CFAP299: variants seen among roughly 807,000 people sequenced by gnomAD.
The protein encoded by CFAP299 is cilia and flagella associated protein 299, also known as cilia- and flagella-associated protein 299.
Under a neutral mutation model 27.0 loss-of-function variants are expected in CFAP299, and 21 were observed. The ratio of observed to expected loss-of-function variants is 0.78; its 90% CI spans 0.55 to 1.12. CFAP299 has a LOEUF of 1.12. Among genes scored for constraint, CFAP299 ranks in the 50% most tolerant of loss-of-function variants. The pLI is 0.00. For missense variants in CFAP299, 310 were observed against 276.6 expected (o/e 1.12, Z -0.86); for synonymous variants, 104 against 98.1 (o/e 1.06, Z -0.36).
At chr4:80,688,005 G>A (rs983070464) in intron 3 of CFAP299, among the ~76,000 whole-genome samples, 7 of 152,238 alleles carry the variant, frequency 4.6e-5, no homozygotes, top group African/African-American at 1.7e-4. Context: ...GGCGCACCAG[G>A]AGATTGTGTC....
At chr4:80,632,069 T>A (rs530499249) in intron 3 of CFAP299, among the ~76,000 whole-genome samples, 1 of 152,202 alleles carries the variant, frequency 6.6e-6, no homozygotes, top group East Asian at 1.9e-4. Flanking sequence ...CTGACAATGC[T>A]GGCACCCTGA....
chr4:80,850,290 T>C (rs1246236644), intron 3 of CFAP299, among the ~76,000 whole-genome samples: 2 of 151,836 alleles, frequency 1.3e-5, no homozygotes, highest in Admixed American at 6.6e-5. Flanking sequence ...AGATACATAT[T>C]AGAAATCATC....
chr4:80,530,529 T>C (rs568728029), intron 2 of CFAP299, among the ~76,000 whole-genome samples: 8 of 152,276 alleles, frequency 5.3e-5, no homozygotes, highest in Non-Finnish European at 8.8e-5. Flanking sequence ...CAATAAATAT[T>C]GAGTATCTCC....
chr4:80,799,541 A>G (rs1184562069), intron 3 of CFAP299, among the ~76,000 whole-genome samples: 2 of 79,706 alleles, frequency 2.5e-5, no homozygotes, highest in East Asian at 9.0e-4. Flanking sequence ...TATATTTAAT[A>G]CATATATATA....
At chr4:80,944,169 T>C (rs1166639936) in intron 4 of CFAP299, among the ~76,000 whole-genome samples, 2 of 152,082 alleles carry the variant, frequency 1.3e-5, no homozygotes, top group Non-Finnish European at 2.9e-5. Context: ...AACATACAAA[T>C]TTGGATTGAA....
intron 3 of CFAP299, among the ~76,000 whole-genome samples, chr4:80,689,418 C>G (rs1312300945): frequency 3.9e-5 from 6 of 152,162 alleles, no homozygotes; most frequent in Non-Finnish European, 7.3e-5. Context: ...ATTTTCAACA[C>G]AGAATTTCAT....
At chr4:80,511,241 C>T (rs550829362) in intron 2 of CFAP299, among the ~76,000 whole-genome samples, 10 of 152,140 alleles carry the variant, frequency 6.6e-5, no homozygotes, top group Middle Eastern at 3.4e-3. Context: ...GCAGTAATTA[C>T]AAAGATGAAC....
At chr4:80,436,664 T>A (rs1728099295) in intron 2 of CFAP299, among the ~76,000 whole-genome samples, 1 of 152,156 alleles carries the variant, frequency 6.6e-6, no homozygotes. Context: ...ATACTAAATT[T>A]TTTGAAACAT....
chr4:80,581,299 A>G (rs1015698094), intron 2 of CFAP299, among the ~76,000 whole-genome samples: 5 of 151,386 alleles, frequency 3.3e-5, no homozygotes, highest in Non-Finnish European at 5.9e-5. Flanking sequence ...TACATAGTAC[A>G]TATCGTAACA....
At chr4:80,525,886 A>G (rs1232970757) in intron 2 of CFAP299, among the ~76,000 whole-genome samples, 1 of 152,138 alleles carries the variant, frequency 6.6e-6, no homozygotes, top group Non-Finnish European at 1.5e-5. Flanking sequence ...CTAGACAATA[A>G]CCTGTATGAA....
chr4:80,959,156 A>G (rs555337086), intron 5 of CFAP299, among the ~76,000 whole-genome samples: 10 of 152,152 alleles, frequency 6.6e-5, no homozygotes, highest in Non-Finnish European at 1.5e-4. Flanking sequence ...TAGTGATTAA[A>G]TCTATTTTCA....
chr4:80,559,172 T>C (rs1424075702), intron 2 of CFAP299, among the ~76,000 whole-genome samples: 4 of 152,120 alleles, frequency 2.6e-5, no homozygotes, highest in African/African-American at 7.2e-5. Flanking sequence ...TAGGGGTTGG[T>C]TTCTCTTTTC....
At chr4:80,367,568 T>C (rs959269716) in intron 2 of CFAP299, among the ~76,000 whole-genome samples, 2 of 152,146 alleles carry the variant, frequency 1.3e-5, no homozygotes, top group African/African-American at 2.4e-5. Flanking sequence ...TGGGTTGGTA[T>C]CCAAGGTGAT....
chr4:80,802,897 T>G (rs529163470), intron 3 of CFAP299, among the ~76,000 whole-genome samples: 1 of 152,022 alleles, frequency 6.6e-6, no homozygotes, highest in Non-Finnish European at 1.5e-5. Context: ...CTCATTAACA[T>G]TAAATTAGAA....
At chr4:80,877,709 A>G (rs1733478175) in intron 4 of CFAP299, among the ~76,000 whole-genome samples, 1 of 152,168 alleles carries the variant, frequency 6.6e-6, no homozygotes, top group Non-Finnish European at 1.5e-5. Flanking sequence ...TAACCGTTTA[A>G]AGTGTACAGT....
At chr4:80,492,723 G>T (rs150557009) in intron 2 of CFAP299, among the ~76,000 whole-genome samples, 1 of 152,304 alleles carries the variant, frequency 6.6e-6, no homozygotes, top group African/African-American at 2.4e-5. Flanking sequence ...TTGAAAAGAT[G>T]ACTTGTTGCT....
chr4:80,797,413 A>C (rs2110103122), intron 3 of CFAP299, among the ~76,000 whole-genome samples: 1 of 152,242 alleles, frequency 6.6e-6, no homozygotes, highest in East Asian at 1.9e-4. Flanking sequence ...ATTAAATAGG[A>C]ATGGAATAGG....
At chr4:80,534,722 T>C (rs1733644795) in intron 2 of CFAP299, among the ~76,000 whole-genome samples, 3 of 152,140 alleles carry the variant, frequency 2.0e-5, no homozygotes. Context: ...ACACTAGAAA[T>C]GTCACTAAAA....
intron 3 of CFAP299, among the ~76,000 whole-genome samples, chr4:80,815,909 AAAAT>A (rs1160478437): frequency 6.6e-6 from 1 of 152,040 alleles, no homozygotes; most frequent in East Asian, 1.9e-4. Context: ...AGAAAACTGT[AAAAT>A]AAATAATTTT....
Sources: allele counts gnomAD v4.1 joint callset (sites outside exome capture counted in the v4.1 genomes callset), GRCh38; gene constraint gnomAD v4.1.1; transcripts MANE v1.5; gene names NCBI Gene and HGNC (gene_info 2026-07-23, HGNC 2026-07-21).